Variants in SGO2 observed in about 807,000 individuals in gnomAD.
SGO2 encodes the protein shugoshin 2.
A neutral mutation model predicts 99.5 loss-of-function variants in SGO2; 68 were observed. The ratio of observed to expected loss-of-function variants is 0.68; its 90% CI spans 0.56 to 0.84. The LOEUF is 0.84. Among genes scored for constraint, SGO2 ranks in the 40% least tolerant of loss-of-function variants. The pLI, the probability that SGO2 is intolerant of heterozygous loss-of-function variation, is 0.00. For synonymous variants in SGO2, 457 were observed against 487.1 expected, an observed-to-expected ratio of 0.94 and a Z score of 0.81; for missense variants, 1,350 against 1,436.7, an observed-to-expected ratio of 0.94 and a Z score of 0.97.
chr2:200,550,194 G>T (rs1487141047), intron 5 of SGO2, among the ~76,000 whole-genome samples: 1 of 152,050 alleles, frequency 6.6e-6, no homozygotes, highest in Non-Finnish European at 1.5e-5. Context: ...TCTGATGAAA[G>T]AAATAGGACA....
intron 4 of SGO2, 73 bp from the exon 5 acceptor site, chr2:200,542,506 A>C: frequency 9.0e-6 from 10 of 1,115,610 alleles, no homozygotes; most frequent in Non-Finnish European, 1.3e-5. Flanking sequence ...TCATTGTATA[A>C]TTTGGTACTG....
At position 200,572,203 on chromosome 2, in the gene SGO2, G is replaced by T. The variant is rs2033454581; in HGVS notation, c.1857G>T (p.Lys619Asn). 1 of 1,612,638 alleles carries T rather than the reference G, an allele frequency of 6.2e-7. No homozygotes were observed. Among genetic ancestry groups the T allele is most frequent in the Non-Finnish European group, 8.5e-7 (1 of 1,179,502 alleles). Residue 619 changes from lysine to asparagine, a missense_variant, in exon 7 of 9, where the codon AAG (lysine) becomes AAT (asparagine). Physicochemically the swap from Lys to Asn is moderately conservative, Grantham distance 94. Coordinates refer to ENST00000357799, the MANE Select transcript of SGO2 (RefSeq NM_152524.6). ...AGCTTAGAAAGAAAGTAAACCGGAAGACAGAAATAATTTCTGGAATGAACC... is the reference window on the plus strand; with the variant it reads ...AGCTTAGAAAGAAAGTAAACCGGAATACAGAAATAATTTCTGGAATGAACC... ...INKLRKKVNR[K>N]TEIISGMNHM...
At chr2:200,545,311 C>T (rs1455344231) in intron 5 of SGO2, among the ~76,000 whole-genome samples, 1 of 152,096 alleles carries the variant, frequency 6.6e-6, no homozygotes, top group Non-Finnish European at 1.5e-5. Context: ...CTGGCATATT[C>T]TTCGTGTATC....
At chr2:200,576,205 G>A in intron 8 of SGO2, 1 of 234,796 alleles carries the variant, frequency 4.3e-6, no homozygotes. Context: ...TGAAATTAAG[G>A]ACCAAGGGGC....
intron 5 of SGO2, among the ~76,000 whole-genome samples, chr2:200,556,319 A>G (rs1474227335): frequency 6.6e-6 from 1 of 152,220 alleles, no homozygotes. Flanking sequence ...TCTTTTAAAA[A>G]GTCCTTTTAA....
Position 200,573,269 on chromosome 2 carries a change from C to A in SGO2, c.2923C>A (p.Gln975Lys). The A allele has an allele frequency of 1.9e-6, 3 of 1,599,842 alleles. No individual in the cohort carries two copies. In the South Asian group the frequency reaches 3.4e-5, roughly 18 times the overall value. Reference sequence around the variant, plus strand: ...CAGTAATGAAAAGGAAAGTTGTGATCAAATTTTAGATTCCTACAAAGTAGT... The same window carrying A: ...CAGTAATGAAAAGGAAAGTTGTGATAAAATTTTAGATTCCTACAAAGTAGT... ...VNSNEKESCD[Q>K]ILDSYKVVKK... is the part of the protein sequence containing the mutation. The change falls in exon 7 of 9, where the codon CAA (glutamine) becomes AAA (lysine). Residue 975 changes from glutamine (Q) to lysine (K), a missense_variant. Physicochemically the swap from Gln to Lys is moderately conservative, Grantham distance 53 (BLOSUM62 1). Transcript: ENST00000357799.
intron 5 of SGO2, among the ~76,000 whole-genome samples, chr2:200,559,885 G>A (rs1470466104): frequency 1.3e-5 from 2 of 152,002 alleles, no homozygotes; most frequent in African/African-American, 4.8e-5. Flanking sequence ...GCTTAATTCT[G>A]CTATAATTAG....
intron 5 of SGO2, among the ~76,000 whole-genome samples, chr2:200,564,663 T>C (rs1335742419): frequency 6.6e-6 from 1 of 152,248 alleles, no homozygotes; most frequent in African/African-American, 2.4e-5. Flanking sequence ...CAGTAGGGTG[T>C]TAAAGTCTCC....
At chr2:200,580,449 T>C (rs2033805580) in intron 8 of SGO2, 1 of 430,412 alleles carries the variant, frequency 2.3e-6, no homozygotes. Flanking sequence ...ATATTTATTA[T>C]TTCCTTCTTT....
intron 5 of SGO2, among the ~76,000 whole-genome samples, chr2:200,561,510 A>G (rs2032966068): frequency 6.6e-6 from 1 of 152,224 alleles, no homozygotes; most frequent in African/African-American, 2.4e-5. Context: ...ATAGTGCTGC[A>G]ATAAACATAC....
At position 200,571,282 on chromosome 2, in the gene SGO2, T is replaced by C; in HGVS notation, c.936T>C (p.Asn312=). The change falls in exon 7 of 9, where the codon AAT becomes AAC. Residue 312 remains asparagine, a synonymous_variant. Coordinates refer to ENST00000357799, the MANE Select transcript of SGO2 (RefSeq NM_152524.6). The stretch of plus-strand genomic sequence containing the variant: ...AATTAAATTGCAATAATGAGATAAA[T>C]GGTCATACTAATGAAACAAATACTG... ...SPELNCNNEI[N]GHTNETNTEM... is the part of the protein sequence containing the mutation. The C allele has an allele frequency of 6.2e-7, 1 of 1,613,242 alleles. No individual in the cohort carries two copies.
chr2:200,553,976 T>C (rs551990272), intron 5 of SGO2, among the ~76,000 whole-genome samples: 1 of 152,320 alleles, frequency 6.6e-6, no homozygotes, highest in East Asian at 1.9e-4. Context: ...CTAAGTCTAA[T>C]TTGATTGCTT....
In SGO2 at chr2:200,571,174, TG is replaced by T. The variant is rs1255438964; in HGVS notation, c.831del (p.Ser278HisfsTer18). On this transcript the variant is annotated frameshift_variant, in exon 7 of 9. Transcript: ENST00000357799. LOFTEE classifies it high-confidence loss of function. ...GTAATGTGACTGAAAGGAAGAAGCG[TG>T]GGTCATCTTGGGAATCAAATAATCT... ...PSNVTERKKR[G>X]SSWESNNLSA... 6.2e-7 allele frequency: 1 copy of T among 1,613,692 alleles called. No homozygotes were observed. The highest frequency in any genetic ancestry group is 1.1e-5 in the South Asian group (1 of 91,064).
chr2:200,572,836 C>G lies in SGO2; in HGVS notation c.2490C>G (p.Asn830Lys), dbSNP rs1273292439. 1.2e-6 allele frequency: 2 copies of G among 1,608,352 alleles called. No homozygotes were observed. Among genetic ancestry groups the G allele is most frequent in the Non-Finnish European group, 1.7e-6 (2 of 1,178,240 alleles). ...CCAACCAAATATATGAGAATGATAACAAAGGTGTACATGACCTAGAAAAAG... is the reference window on the plus strand; with the variant it reads ...CCAACCAAATATATGAGAATGATAAGAAAGGTGTACATGACCTAGAAAAAG... ...PETNQIYEND[N>K]KGVHDLEKDN... Residue 830 changes from asparagine (N) to lysine (K), a missense_variant, in exon 7 of 9, where the codon AAC becomes AAG. By Grantham distance (94) the Asn-to-Lys change is moderately conservative. Transcript: ENST00000357799.
chr2:200,533,030 C>T lies in SGO2; in HGVS notation c.55C>T (p.His19Tyr), dbSNP rs1466538489. The T allele has an allele frequency of 1.0e-5, 16 of 1,607,664 alleles. No individual in the cohort carries two copies. Among genetic ancestry groups the T allele is most frequent in the Non-Finnish European group, 1.4e-5 (16 of 1,178,306 alleles). Residue 19 changes from histidine to tyrosine, a missense_variant, in exon 2 of 9, where the codon CAT becomes TAT. Physicochemically the swap from His to Tyr is moderately conservative, Grantham distance 83 (BLOSUM62 2). Coordinates refer to ENST00000357799, the MANE Select transcript of SGO2 (RefSeq NM_152524.6). ...GSLFTSGIKRHLKDKRISKTT... is the reference protein window; with the variant it reads ...GSLFTSGIKRYLKDKRISKTT... ...ACTTTTTACCTCAGGAATTAAGAGA[C>T]ATTTGAAAGACAAAAGAATTTCAAA... is the stretch of plus-strand genomic sequence containing the variant.
chr2:200,540,407 G>A (rs2031907461), intron 4 of SGO2, among the ~76,000 whole-genome samples: 1 of 152,200 alleles, frequency 6.6e-6, no homozygotes, highest in Non-Finnish European at 1.5e-5. Context: ...GGGGACTGAA[G>A]TTTAGACTTC....
intron 7 of SGO2, among the ~76,000 whole-genome samples, chr2:200,574,473 A>G (rs573020557): frequency 2.6e-5 from 4 of 152,080 alleles, no homozygotes; most frequent in Non-Finnish European, 5.9e-5. Flanking sequence ...CCATGTATGT[A>G]ACAAACATCA....
chr2:200,543,847 T>C (rs1481565609), intron 5 of SGO2, among the ~76,000 whole-genome samples: 1 of 152,210 alleles, frequency 6.6e-6, no homozygotes, highest in Non-Finnish European at 1.5e-5. Flanking sequence ...AAAATTGTAT[T>C]GTGTGTCTTT....
chr2:200,527,757 G>T (rs2031171674), intron 1 of SGO2, among the ~76,000 whole-genome samples: 1 of 152,166 alleles, frequency 6.6e-6, no homozygotes, highest in East Asian at 1.9e-4. Flanking sequence ...AAACAAATTT[G>T]ACAAAAGTTT....
Sources: allele counts gnomAD v4.1 joint callset (sites outside exome capture counted in the v4.1 genomes callset), GRCh38; gene constraint gnomAD v4.1.1; transcripts MANE v1.5; gene names NCBI Gene and HGNC (gene_info 2026-07-23, HGNC 2026-07-21).